Variants in DCDC1 observed in about 807,000 individuals in gnomAD.
DCDC1 encodes doublecortin domain containing 1.
DCDC1 carries 200 observed loss-of-function variants against 178.3 expected under a neutral mutation model. The ratio of observed to expected loss-of-function variants is 1.12; its 90% CI spans 1.00 to 1.26. DCDC1 has a LOEUF of 1.26. Ranked by LOEUF, DCDC1 falls within the 50% of genes most tolerant of loss-of-function variation. DCDC1 has a pLI of 0.00. For synonymous variants in DCDC1, 690 were observed against 604.8 expected (o/e 1.14, Z -2.07); for missense variants, 1,983 against 1,749.2 (o/e 1.13, Z -2.38).
chr11:31,198,945 T>C (rs1970994499), intron 9 of DCDC1, among the ~76,000 whole-genome samples: 1 of 151,868 alleles, frequency 6.6e-6, no homozygotes, highest in African/African-American at 2.4e-5. Context: ...CAAAACAACT[T>C]ACTAAAGGGA....
At chr11:31,271,028 CA>C (rs1471510170) in intron 7 of DCDC1, among the ~76,000 whole-genome samples, 2 of 152,124 alleles carry the variant, frequency 1.3e-5, no homozygotes, top group Non-Finnish European at 2.9e-5. Context: ...TTTCTTTGGT[CA>C]AATTTCTCTC....
intron 8 of DCDC1, among the ~76,000 whole-genome samples, chr11:31,258,108 G>A (rs1478637906): frequency 6.6e-6 from 1 of 152,124 alleles, no homozygotes; most frequent in Non-Finnish European, 1.5e-5. Flanking sequence ...AAAGTGCTGG[G>A]TGAACTCTAA....
intron 32 of DCDC1, among the ~76,000 whole-genome samples, chr11:30,901,410 G>A (rs796224946): frequency 5.1e-4 from 78 of 152,208 alleles, no homozygotes; most frequent in African/African-American, 1.7e-3. Context: ...ACATAGCTGG[G>A]TGATGGCAGA....
chr11:31,186,042 A>G (rs1348363279), intron 9 of DCDC1, among the ~76,000 whole-genome samples: 1 of 152,046 alleles, frequency 6.6e-6, no homozygotes. Flanking sequence ...TCCTCCATCC[A>G]TTCTCCCCAG....
At chr11:30,927,537 C>A (rs972362082) in intron 22 of DCDC1, among the ~76,000 whole-genome samples, 5 of 152,134 alleles carry the variant, frequency 3.3e-5, no homozygotes, top group African/African-American at 1.2e-4. Context: ...AAGGACAGGG[C>A]TTTGCTGAAG....
At chr11:30,982,828 C>G (rs1197802423) in intron 20 of DCDC1, among the ~76,000 whole-genome samples, 1 of 152,046 alleles carries the variant, frequency 6.6e-6, no homozygotes, top group Admixed American at 6.6e-5. Flanking sequence ...CAATGCGGCC[C>G]CATACTGAGA....
intron 9 of DCDC1, among the ~76,000 whole-genome samples, chr11:31,177,169 G>A (rs1002607919): frequency 6.6e-6 from 1 of 151,962 alleles, no homozygotes; most frequent in African/African-American, 2.4e-5. Context: ...TTGGGAGGAG[G>A]GGGGAGTCTA....
chr11:31,077,729 C>G, intron 18 of DCDC1, 136 bp downstream of exon 18: 1 of 442,766 alleles, frequency 2.3e-6, no homozygotes, highest in Non-Finnish European at 4.0e-6. Context: ...AAGTTAAATT[C>G]TAAATTTCTA....
chr11:31,290,888 G>T, intron 6 of DCDC1, 36 bp from the exon 7 acceptor site: 3 of 1,583,412 alleles, frequency 1.9e-6, no homozygotes, highest in Non-Finnish European at 1.7e-6. Context: ...TCAATATTTG[G>T]CTTCAAAATT....
At chr11:31,110,502 G>A in intron 11 of DCDC1, 141 bp from the exon 12 acceptor site, 1 of 545,920 alleles carries the variant, frequency 1.8e-6, no homozygotes, top group Non-Finnish European at 3.3e-6. Flanking sequence ...TGGGAATTGT[G>A]CAAAGCAAGG....
At chr11:31,060,435 C>G (rs1427121240) in intron 20 of DCDC1, among the ~76,000 whole-genome samples, 1 of 152,046 alleles carries the variant, frequency 6.6e-6, no homozygotes, top group Non-Finnish European at 1.5e-5. Context: ...ACAGAAACAC[C>G]TGTTTCTTAT....
At chr11:30,950,874 C>T (rs1291896087) in intron 21 of DCDC1, among the ~76,000 whole-genome samples, 1 of 151,772 alleles carries the variant, frequency 6.6e-6, no homozygotes, top group Non-Finnish European at 1.5e-5. Context: ...GTTCCTAAAA[C>T]AAAGAAATGA....
At position 30,982,752 on chromosome 11, in the gene DCDC1, G is replaced by A. The variant is rs570535537; in HGVS notation, c.2592-30184C>T. ...TTTCATTTTTTTCTACTGATGCACC[G>A]CCCCATCAGTGCTGACATTTAAATG... On this transcript the variant is annotated intron_variant, in intron 20 of 38. Transcript: ENST00000684477. 3.4e-3 allele frequency among the ~76,000 whole-genome samples: 516 copies of A among 151,980 alleles called. 2 individuals carry two copies. Among genetic ancestry groups the A allele is most frequent in the Middle Eastern group, 0.02 (6 of 294 alleles).
At chr11:31,218,115 GAAAAA>G (rs909654659) in intron 9 of DCDC1, among the ~76,000 whole-genome samples, 1 of 142,738 alleles carries the variant, frequency 7.0e-6, no homozygotes, top group African/African-American at 2.6e-5. Flanking sequence ...TTTGCTTTAA[GAAAAA>G]AAAAAGTCGT....
intron 9 of DCDC1, among the ~76,000 whole-genome samples, chr11:31,149,358 G>A (rs537088377): frequency 1.3e-5 from 2 of 152,216 alleles, no homozygotes; most frequent in South Asian, 2.1e-4. Flanking sequence ...CTAAAGGCTT[G>A]TAAACGCACC....
intron 7 of DCDC1, among the ~76,000 whole-genome samples, chr11:31,279,131 A>G (rs963671371): frequency 5.5e-4 from 83 of 152,086 alleles, no homozygotes; most frequent in Admixed American, 5.4e-3. Flanking sequence ...TCTCTCAGCA[A>G]TTATTTGTTG....
intron 20 of DCDC1, among the ~76,000 whole-genome samples, chr11:30,979,713 C>T (rs989244522): frequency 1.3e-5 from 2 of 152,126 alleles, no homozygotes; most frequent in African/African-American, 2.4e-5. Flanking sequence ...GGAAAAATAA[C>T]CCATGTTTAG....
intron 10 of DCDC1, among the ~76,000 whole-genome samples, chr11:31,130,093 A>G (rs934493115): frequency 2.2e-4 from 33 of 152,168 alleles, no homozygotes; most frequent in African/African-American, 7.0e-4. Flanking sequence ...TCAGATAATT[A>G]ATACTGGCAC....
Position 31,362,428 on chromosome 11 carries a change from A to G in DCDC1, c.-125+7269T>C, listed in dbSNP as rs372489119. Among the ~76,000 whole-genome samples, 3 of 152,208 alleles carry G rather than the reference A, an allele frequency of 2.0e-5. No individual in the cohort carries two copies. In the East Asian group the frequency reaches 5.8e-4, roughly 29 times the overall value. On this transcript the variant is annotated intron_variant, in intron 1 of 38. Transcript: ENST00000684477. ...AATGCTCCCGCTTCACCTGCAGCAC[A>G]TCAGACAAGGTAGTAATTTATGATA... is the stretch of plus-strand genomic sequence containing the variant.
Sources: allele counts gnomAD v4.1 joint callset (sites outside exome capture counted in the v4.1 genomes callset), GRCh38; gene constraint gnomAD v4.1.1; transcripts MANE v1.5; gene names NCBI Gene and HGNC (gene_info 2026-07-23, HGNC 2026-07-21).